Variants in ABCB11 observed in about 807,000 individuals in gnomAD.
ABCB11 encodes the protein ATP binding cassette subfamily B member 11, also known as bile salt export pump.
In ABCB11, 95 loss-of-function variants were observed where a neutral mutation model predicts 148.0. The ratio of observed to expected loss-of-function variants is 0.64; its 90% CI spans 0.54 to 0.76. The LOEUF (loss-of-function observed/expected upper bound fraction) is 0.76, where lower values mean the gene tolerates loss of function less well. ABCB11 is among the 30% of genes least tolerant of loss of function. The pLI is 0.00. For missense variants in ABCB11, 1,523 were observed against 1,617.8 expected, an observed-to-expected ratio of 0.94 and a Z score of 1.01; for synonymous variants, 591 against 555.4, an observed-to-expected ratio of 1.06 and a Z score of -0.90.
chr2:168,994,100 T>G (rs1694636035), intron 7 of ABCB11, among the ~76,000 whole-genome samples: 1 of 152,054 alleles, frequency 6.6e-6, no homozygotes, highest in Non-Finnish European at 1.5e-5. Flanking sequence ...TTAATCTAGG[T>G]TTCCCAGCTG....
chr2:168,958,574 T>G (rs1255517304), intron 18 of ABCB11, among the ~76,000 whole-genome samples: 1 of 151,762 alleles, frequency 6.6e-6, no homozygotes, highest in Admixed American at 6.6e-5. Context: ...CCAGTATATA[T>G]GAAATAAGAC....
rs57509552 is a variant in ABCB11, at chr2:168,979,878, C to A, written c.1185G>T (p.Glu395Asp). ...TGRAAATSIF[E>D]TIDRKPIIDC... Reference sequence around the variant, plus strand: ...GGCTTATACATACCCTGTCTATTGTCTCAAAAATGCTGGTGGCTGCTGCAC... The same window carrying A: ...GGCTTATACATACCCTGTCTATTGTATCAAAAATGCTGGTGGCTGCTGCAC... Residue 395 changes from glutamate to aspartate, a missense_variant, in exon 11 of 28, where the codon GAG (glutamate) becomes GAT (aspartate). Physicochemically the swap from Glu to Asp is conservative, Grantham distance 45. Transcript: ENST00000650372. The A allele has an allele frequency of 6.3e-7, 1 of 1,578,560 alleles. No homozygotes were observed. Among genetic ancestry groups the A allele is most frequent in the Non-Finnish European group, 8.6e-7 (1 of 1,157,950 alleles).
intron 14 of ABCB11, among the ~76,000 whole-genome samples, chr2:168,971,342 C>T (rs1693571105): frequency 6.6e-6 from 1 of 151,960 alleles, no homozygotes. Flanking sequence ...GTGGCAAAAT[C>T]CATTGAAGTA....
At chr2:168,949,725 C>T (rs1299551501) in intron 19 of ABCB11, among the ~76,000 whole-genome samples, 1 of 151,432 alleles carries the variant, frequency 6.6e-6, no homozygotes, top group Non-Finnish European at 1.5e-5. Flanking sequence ...ATGGCTAATA[C>T]TGAGTGACAA....
At position 168,979,886 on chromosome 2, in the gene ABCB11, T is replaced by C. The variant is rs369484793; in HGVS notation, c.1177A>G (p.Ile393Val). 29 of 1,565,406 alleles carry C rather than the reference T, an allele frequency of 1.9e-5. No individual in the cohort carries two copies. Among genetic ancestry groups the C allele is most frequent in the Non-Finnish European group, 2.4e-5 (28 of 1,149,292 alleles). ...CATACCCTGTCTATTGTCTCAAAAA[T>C]GCTGGTGGCTGCTGCACGTCCAGTT... ...FATGRAAATS[I>V]FETIDRKPII... Residue 393 changes from isoleucine (I) to valine (V), a missense_variant, in exon 11 of 28, where the codon ATT becomes GTT. Physicochemically the swap from Ile to Val is conservative, Grantham distance 29 (BLOSUM62 3). Transcript: ENST00000650372.
Position 168,969,332 on chromosome 2 carries a change from T to C in ABCB11, c.2011+18A>G, listed in dbSNP as rs181357802. The C allele has an allele frequency of 3.7e-6, 6 of 1,601,564 alleles. No individual in the cohort carries two copies. The Admixed American group carries it at 5.1e-5, about 14-fold the overall frequency. On this transcript the variant is annotated intron_variant, in intron 16 of 27. Transcript: ENST00000650372. ...AACTATTTAATATAACATACAAGTA[T>C]AGGGAAAAAGCACTTGCCCTTTATG... is the stretch of plus-strand genomic sequence containing the variant.
chr2:168,991,452 A>G (rs999769370), intron 8 of ABCB11, among the ~76,000 whole-genome samples: 6 of 152,086 alleles, frequency 3.9e-5, no homozygotes, highest in African/African-American at 1.2e-4. Context: ...GATTTTTACA[A>G]AAGGAAATGA....
intron 1 of ABCB11, among the ~76,000 whole-genome samples, chr2:169,030,003 G>A (rs559535458): frequency 1.3e-5 from 2 of 151,436 alleles, no homozygotes; most frequent in African/African-American, 4.9e-5. Context: ...GCCTCCCAAA[G>A]TGCTGAGATT....
At chr2:169,015,448 C>G (rs955119997) in intron 3 of ABCB11, among the ~76,000 whole-genome samples, 1 of 152,252 alleles carries the variant, frequency 6.6e-6, no homozygotes, top group East Asian at 1.9e-4. Flanking sequence ...CCTCCTCCAA[C>G]TATATTCTAG....
intron 22 of ABCB11, 92 bp from the exon 23 acceptor site, chr2:168,935,517 G>A: frequency 1.4e-6 from 2 of 1,465,330 alleles, no homozygotes; most frequent in Non-Finnish European, 1.8e-6. Flanking sequence ...TGGTGCAAAT[G>A]GCAGAATGTG....
At chr2:168,985,313 A>G (rs1694276919) in intron 10 of ABCB11, among the ~76,000 whole-genome samples, 1 of 152,176 alleles carries the variant, frequency 6.6e-6, no homozygotes. Context: ...GTAAACTAGT[A>G]CAACAACTAT....
intron 10 of ABCB11, among the ~76,000 whole-genome samples, chr2:168,984,980 G>C (rs1694264075): frequency 6.6e-6 from 1 of 152,004 alleles, no homozygotes; most frequent in Non-Finnish European, 1.5e-5. Flanking sequence ...GGAACAGTCA[G>C]CGAGTAAACA....
At chr2:169,026,967 C>T (rs190464064) in intron 1 of ABCB11, among the ~76,000 whole-genome samples, 1 of 152,152 alleles carries the variant, frequency 6.6e-6, no homozygotes, top group Non-Finnish European at 1.5e-5. Context: ...TTAGCTGTAA[C>T]ACTTTTTTAG....
Position 168,932,382 on chromosome 2 carries a change from T to A in ABCB11, c.3208A>T (p.Lys1070Ter). ...PISVYNTAGE[K>*]WDNFQGKIDF... ...CATAGTATTCCAACACTTACCCATTTTTCACCTGCAGTATTGTATACACTG... is the reference window on the plus strand; with the variant it reads ...CATAGTATTCCAACACTTACCCATTATTCACCTGCAGTATTGTATACACTG... The change falls in exon 24 of 28, where the codon AAA (lysine) becomes TAA (stop). Residue 1070 changes from lysine (K) to a stop codon, truncating the protein, a stop_gained. Transcript: ENST00000650372. LOFTEE classifies it high-confidence loss of function. 2.6e-6 allele frequency: 4 copies of A among 1,557,376 alleles called. No individual in the cohort carries two copies. Among genetic ancestry groups the A allele is most frequent in the Non-Finnish European group, 3.5e-6 (4 of 1,150,006 alleles).
At chr2:168,950,134 T>TAC (rs767462084) in intron 19 of ABCB11, among the ~76,000 whole-genome samples, 78 of 74,562 alleles carry the variant, frequency 1.0e-3, no homozygotes, top group Middle Eastern at 0.013. Context: ...CTCCCATATA[T>TAC]ATATATACAC....
At chr2:168,969,116 T>A (rs1176313621) in intron 16 of ABCB11, among the ~76,000 whole-genome samples, 3 of 140,112 alleles carry the variant, frequency 2.1e-5, no homozygotes, top group Admixed American at 7.1e-5. Flanking sequence ...TGCGCAGGGT[T>A]AAAAAAAAAA....
At chr2:169,011,396 T>C (rs1469211089) in intron 5 of ABCB11, among the ~76,000 whole-genome samples, 3 of 152,190 alleles carry the variant, frequency 2.0e-5, no homozygotes, top group Non-Finnish European at 4.4e-5. Flanking sequence ...AAATGAAGGA[T>C]TTCAAAGACT....
chr2:168,925,030 A>C (rs1691241937), intron 26 of ABCB11, among the ~76,000 whole-genome samples: 1 of 152,012 alleles, frequency 6.6e-6, no homozygotes, highest in Non-Finnish European at 1.5e-5. Flanking sequence ...ATTATTCCTC[A>C]TTTCTGCATT....
At chr2:168,928,318 T>C (rs1326152344) in intron 25 of ABCB11, among the ~76,000 whole-genome samples, 1 of 152,224 alleles carries the variant, frequency 6.6e-6, no homozygotes, top group Admixed American at 6.5e-5. Context: ...TGCTACATTG[T>C]AAGCTCCTAG....
Sources: allele counts gnomAD v4.1 joint callset (sites outside exome capture counted in the v4.1 genomes callset), GRCh38; gene constraint gnomAD v4.1.1; transcripts MANE v1.5; gene names NCBI Gene and HGNC (gene_info 2026-07-23, HGNC 2026-07-21).